HS6ST3: variants seen among roughly 807,000 people sequenced by gnomAD.
HS6ST3 encodes heparan-sulfate 6-O-sulfotransferase 3.
In HS6ST3, 12 loss-of-function variants were observed where a neutral mutation model predicts 36.7. The ratio of observed to expected loss-of-function variants is 0.33; its 90% confidence interval spans 0.21 to 0.53. HS6ST3 has a LOEUF of 0.53. HS6ST3 is among the 20% of genes least tolerant of loss of function. The pLI is 0.95. For synonymous variants in HS6ST3, 240 were observed against 257.5 expected (o/e 0.93, Z 0.65); for missense variants, 584 against 640.9 (o/e 0.91, Z 0.96).
chr13:96,332,042 G>T (rs1365241576), intron 1 of HS6ST3, among the ~76,000 whole-genome samples: 3 of 152,124 alleles, frequency 2.0e-5, no homozygotes, highest in Non-Finnish European at 2.9e-5. Flanking sequence ...GCTTCGGCTC[G>T]CGCAGGGTGC....
At chr13:96,730,027 T>G (rs1411569871) in intron 1 of HS6ST3, among the ~76,000 whole-genome samples, 1 of 152,210 alleles carries the variant, frequency 6.6e-6, no homozygotes, top group Non-Finnish European at 1.5e-5. Flanking sequence ...TAACATGAGA[T>G]TTCATGCAAT....
chr13:96,828,056 G>A (rs1243354240), intron 1 of HS6ST3, among the ~76,000 whole-genome samples: 2 of 152,152 alleles, frequency 1.3e-5, no homozygotes, highest in African/African-American at 4.8e-5. Flanking sequence ...TTTCCCTGCT[G>A]ACCTTTTGGG....
chr13:96,385,982 C>A (rs2055365913), intron 1 of HS6ST3, among the ~76,000 whole-genome samples: 1 of 152,108 alleles, frequency 6.6e-6, no homozygotes, highest in Non-Finnish European at 1.5e-5. Flanking sequence ...AACCAAAGCT[C>A]CAGCATGATT....
intron 1 of HS6ST3, among the ~76,000 whole-genome samples, chr13:96,562,892 G>A (rs75823543): frequency 0.015 from 2,344 of 151,964 alleles, 59 homozygotes; most frequent in African/African-American, 0.054. Flanking sequence ...GCTCACAGAA[G>A]GTCAGGATAG....
At position 96,708,439 on chromosome 13, in the gene HS6ST3, C is replaced by T. The variant is rs182441603; in HGVS notation, c.708-124051C>T. 1.2e-4 allele frequency among the ~76,000 whole-genome samples: 19 copies of T among 152,272 alleles called. 1 individual carries two copies. Among genetic ancestry groups the T allele is most frequent in the African/African-American group, 4.3e-4 (18 of 41,562 alleles). ...TTTCTCTGACCTCTGGCAGGCCAATCGTCTTACAGAGGGAGGTCGGAAAAA... is the reference window on the plus strand; with the variant it reads ...TTTCTCTGACCTCTGGCAGGCCAATTGTCTTACAGAGGGAGGTCGGAAAAA... On this transcript the variant is annotated intron_variant, in intron 1 of 1. Coordinates refer to ENST00000376705, the MANE Select transcript of HS6ST3 (RefSeq NM_153456.4).
intron 1 of HS6ST3, among the ~76,000 whole-genome samples, chr13:96,211,940 T>C (rs1594718178): frequency 6.6e-6 from 1 of 152,196 alleles, no homozygotes; most frequent in South Asian, 2.1e-4. Context: ...ACAGAAAGGA[T>C]AGGCAATTTT....
chr13:96,536,224 T>C (rs1443888250), intron 1 of HS6ST3, among the ~76,000 whole-genome samples: 1 of 152,258 alleles, frequency 6.6e-6, no homozygotes, highest in Non-Finnish European at 1.5e-5. Context: ...AGCCTTTTCC[T>C]GGTATCTCTT....
intron 1 of HS6ST3, among the ~76,000 whole-genome samples, chr13:96,621,845 C>T (rs779685965): frequency 9.9e-5 from 15 of 152,142 alleles, no homozygotes; most frequent in Non-Finnish European, 2.2e-4. Flanking sequence ...TGCACCATTG[C>T]AACGAGGGAG....
At chr13:96,656,998 T>TGTGTGAGAGAGAGAGAGA (rs1397374817) in intron 1 of HS6ST3, among the ~76,000 whole-genome samples, 1 of 98,340 alleles carries the variant, frequency 1.0e-5, no homozygotes, top group African/African-American at 4.3e-5. Context: ...TGTGTGTGTG[T>TGTGTGAGAGAGAGAGAGA]GAGAGAGAGA....
chr13:96,574,382 G>C (rs996429173), intron 1 of HS6ST3: 4 of 473,010 alleles, frequency 8.5e-6, no homozygotes, highest in Non-Finnish European at 1.6e-5. Context: ...TGGAAAAATG[G>C]TCAAACTCAC....
chr13:96,595,565 A>G (rs1342532156), intron 1 of HS6ST3, among the ~76,000 whole-genome samples: 1 of 151,620 alleles, frequency 6.6e-6, no homozygotes, highest in Non-Finnish European at 1.5e-5. Flanking sequence ...CAGCCTGAAT[A>G]TTTACATCTT....
chr13:96,316,026 T>C (rs1243218017), intron 1 of HS6ST3, among the ~76,000 whole-genome samples: 1 of 152,334 alleles, frequency 6.6e-6, no homozygotes, highest in East Asian at 1.9e-4. Flanking sequence ...TAATCATTAT[T>C]GTGTTGATAT....
intron 1 of HS6ST3, among the ~76,000 whole-genome samples, chr13:96,593,161 A>G (rs181156357): frequency 0.042 from 1,961 of 46,164 alleles, 17 homozygotes; most frequent in Middle Eastern, 0.13. Context: ...CTGACTGTGT[A>G]TTTTCTTTCT....
At chr13:96,800,242 G>A (rs1220751739) in intron 1 of HS6ST3, among the ~76,000 whole-genome samples, 2 of 150,804 alleles carry the variant, frequency 1.3e-5, no homozygotes, top group South Asian at 2.1e-4. Flanking sequence ...TCAATATTAT[G>A]TGTTATGTGT....
intron 1 of HS6ST3, among the ~76,000 whole-genome samples, chr13:96,682,027 T>C (rs2138438383): frequency 6.6e-6 from 1 of 152,204 alleles, no homozygotes; most frequent in Non-Finnish European, 1.5e-5. Context: ...GCCAAGGAAA[T>C]GTATTATTTA....
intron 1 of HS6ST3, among the ~76,000 whole-genome samples, chr13:96,490,180 C>T (rs1481980111): frequency 3.9e-5 from 6 of 152,074 alleles, no homozygotes; most frequent in Admixed American, 6.6e-5. Context: ...TTTTTGGATT[C>T]GGCAGCAGCT....
At chr13:96,419,248 T>G (rs1281650197) in intron 1 of HS6ST3, among the ~76,000 whole-genome samples, 1 of 152,210 alleles carries the variant, frequency 6.6e-6, no homozygotes, top group East Asian at 1.9e-4. Context: ...ATGAGTTCCT[T>G]TTCCGTTTTA....
intron 1 of HS6ST3, among the ~76,000 whole-genome samples, chr13:96,525,645 CTT>C (rs1287719505): frequency 1.3e-5 from 2 of 152,192 alleles, no homozygotes; most frequent in African/African-American, 4.8e-5. Flanking sequence ...AAATCCATGA[CTT>C]TGAAAGATCT....
At chr13:96,096,125 G>A (rs2053789717) in intron 1 of HS6ST3, among the ~76,000 whole-genome samples, 2 of 151,890 alleles carry the variant, frequency 1.3e-5, no homozygotes, top group South Asian at 4.1e-4. Flanking sequence ...AGAATTAATT[G>A]AAAGAATGTG....
Sources: gnomAD v4.1 joint callset for allele counts (sites outside exome capture counted in the v4.1 genomes callset) on GRCh38, gnomAD v4.1.1 for gene constraint, MANE v1.5 for transcripts, NCBI Gene and HGNC (gene_info 2026-07-23, HGNC 2026-07-21) for gene names.